The following PKD1L3 variants were observed in gnomAD, a reference collection of about 807,000 sequenced individuals.
PKD1L3 encodes polycystin-1-like protein 3.
Under a neutral mutation model 184.1 loss-of-function variants are expected in PKD1L3, and 239 were observed. That is an observed-to-expected ratio of 1.30 (90% CI 1.17 to 1.45). The LOEUF is 1.45. PKD1L3 is among the 40% of genes most tolerant of loss of function. The probability of loss-of-function intolerance (pLI) is 0.00; values close to 1 mark genes in which losing one functional copy is unlikely to be tolerated. For missense variants in PKD1L3, 2,660 were observed against 2,067.2 expected (o/e 1.29, Z -5.56); for synonymous variants, 996 against 778.8 (o/e 1.28, Z -4.64).
Position 71,967,291 on chromosome 16 carries a change from C to G in PKD1L3, c.2311G>C (p.Glu771Gln). The G allele has an allele frequency of 6.4e-7, 1 of 1,551,500 alleles. No individual in the cohort carries two copies. The highest frequency in any genetic ancestry group is 1.2e-5 in the South Asian group (1 of 84,036). ...AGGTGATGGGGCTCACTCCGTCCCT[C>G]TGATCCATAGAGGGTGATGACAACC... is the stretch of plus-strand genomic sequence containing the variant. The part of the protein sequence containing the change: ...AKVVITLYGS[E>Q]GRSEPHHLCD... Residue 771 changes from glutamate (E) to glutamine (Q), a missense_variant, in exon 15 of 30, where the codon GAG becomes CAG. Physicochemically the swap from Glu to Gln is conservative, Grantham distance 29. Coordinates refer to ENST00000620267, the MANE Select transcript of PKD1L3 (RefSeq NM_181536.2).
intron 25 of PKD1L3, among the ~76,000 whole-genome samples, chr16:71,936,001 G>T (rs1245517807): frequency 4.0e-5 from 6 of 151,660 alleles, no homozygotes; most frequent in African/African-American, 1.5e-4. Flanking sequence ...TTGACATTTT[G>T]CCCAGGCTAG....
At chr16:71,994,985 T>C (rs1291091151) in intron 2 of PKD1L3, among the ~76,000 whole-genome samples, 1 of 151,966 alleles carries the variant, frequency 6.6e-6, no homozygotes, top group Non-Finnish European at 1.5e-5. Flanking sequence ...TAAAACTCCA[T>C]CTCAAGAAAA....
Position 72,000,305 on chromosome 16 carries a change from C to G in PKD1L3, c.-327G>C, listed in dbSNP as rs1048607652. 1.3e-5 allele frequency among the ~76,000 whole-genome samples: 2 copies of G among 152,108 alleles called. No homozygotes were observed. The highest frequency in any genetic ancestry group is 2.9e-5 in the Non-Finnish European group (2 of 68,040). ...GTAGAGGATGATGAATATCTAACAT[C>G]TAAGTTAGTGCTGCTAAAAATTAAT... On this transcript the variant is annotated 5_prime_UTR_variant, in exon 1 of 30. Coordinates refer to ENST00000620267, the MANE Select transcript of PKD1L3 (RefSeq NM_181536.2).
At chr16:71,972,110 G>T (rs1246686571) in intron 12 of PKD1L3, among the ~76,000 whole-genome samples, 1 of 152,116 alleles carries the variant, frequency 6.6e-6, no homozygotes, top group Non-Finnish European at 1.5e-5. Flanking sequence ...TAGCTACTTG[G>T]GAGGCTGAGG....
chr16:71,969,913 C>T lies in PKD1L3; in HGVS notation c.2146G>A (p.Val716Met), dbSNP rs2039646377. The T allele has an allele frequency of 2.6e-6, 4 of 1,551,804 alleles. No homozygotes were observed. The highest frequency in any genetic ancestry group is 3.5e-6 in the Non-Finnish European group (4 of 1,146,956). ...GCTTGATCCTTTTTCCGAGCCCACACAACTGTGATCACATAAAATCCTAAA... is the reference window on the plus strand; with the variant it reads ...GCTTGATCCTTTTTCCGAGCCCACATAACTGTGATCACATAAAATCCTAAA... The part of the protein sequence containing the change: ...SLLGFYVITV[V>M]WARKKDQADM... Residue 716 changes from valine to methionine, a missense_variant, in exon 13 of 30, where the codon GTG (valine) becomes ATG (methionine). Physicochemically the swap from Val to Met is conservative, Grantham distance 21. Transcript: ENST00000620267.
chr16:71,954,031 C>G (rs2038950700), intron 17 of PKD1L3, 74 bp downstream of exon 17: 3 of 1,267,820 alleles, frequency 2.4e-6, no homozygotes, highest in African/African-American at 1.6e-5. Context: ...GCCTGGGTAA[C>G]AGAGCAAGAC....
At chr16:71,934,478 C>G (rs1371467606) in intron 26 of PKD1L3, among the ~76,000 whole-genome samples, 1 of 152,188 alleles carries the variant, frequency 6.6e-6, no homozygotes, top group African/African-American at 2.4e-5. Flanking sequence ...GAGATTAACT[C>G]AGCCCAGAGA....
rs569438046 is a variant in PKD1L3 at position 71,976,231 on chromosome 16, T to C, written c.1759+1005A>G. On this transcript the variant is annotated intron_variant, in intron 11 of 29. Transcript: ENST00000620267. ...CCAAAGTGCTAGGATTACAGTGGGATTTCAGGCATGAGCCACTGAGTGCCC... is the reference window on the plus strand; with the variant it reads ...CCAAAGTGCTAGGATTACAGTGGGACTTCAGGCATGAGCCACTGAGTGCCC... Among the ~76,000 whole-genome samples, 10 of 141,220 alleles carry C rather than the reference T, an allele frequency of 7.1e-5. No individual in the cohort carries two copies. In the East Asian group the frequency reaches 2.3e-3, roughly 32 times the overall value. The allele number at this position is 141,220 out of a possible 152,430, so 92.6% of individuals were successfully genotyped here.
In PKD1L3 at chr16:71,986,077, A is replaced by T. The variant is rs191220813; in HGVS notation, c.834+144T>A. On this transcript the variant is annotated intron_variant, in intron 5 of 29. Coordinates refer to ENST00000620267, the MANE Select transcript of PKD1L3 (RefSeq NM_181536.2). ...GCTGTCAAATTGGCTGTTTCCATGG[A>T]CTTGTTTAGTTTTTGTTTTGGATTG... 3.2e-4 allele frequency: 346 copies of T among 1,073,424 alleles called. 2 individuals carry two copies. Among genetic ancestry groups the T allele is most frequent in the African/African-American group, 2.2e-3 (136 of 62,608 alleles). 66.5% of individuals were successfully genotyped at this position (1,073,424 alleles called of 1,614,324 possible).
At chr16:71,988,064 G>A (rs747315252) in intron 4 of PKD1L3, among the ~76,000 whole-genome samples, 2 of 59,116 alleles carry the variant, frequency 3.4e-5, no homozygotes, top group African/African-American at 8.8e-5. Context: ...TTGCAGAACA[G>A]TGGCATGATT....
chr16:71,975,489 A>T (rs1390574380), intron 11 of PKD1L3, among the ~76,000 whole-genome samples: 1 of 152,220 alleles, frequency 6.6e-6, no homozygotes, highest in Non-Finnish European at 1.5e-5. Flanking sequence ...TAAGATTAGA[A>T]ATAAAGTTGA....
chr16:71,982,678 C>T (rs2040207709), intron 6 of PKD1L3, among the ~76,000 whole-genome samples: 1 of 152,092 alleles, frequency 6.6e-6, no homozygotes, highest in South Asian at 2.1e-4. Context: ...CTCACTGCAG[C>T]CTCGAACTTC....
At chr16:71,983,930 T>C (rs2040261639) in intron 6 of PKD1L3, 106 bp downstream of exon 6, 2 of 1,420,270 alleles carry the variant, frequency 1.4e-6, no homozygotes, top group African/African-American at 2.9e-5. Context: ...TCTAAAGTGC[T>C]GGGATTACAG....
rs533830927 is a variant in PKD1L3, at chr16:71,997,443, C to G, written c.418+829G>C. ...CCCCCACAACCACTCCCCACTCCAC[C>G]GTCTCCACATAAAAAAATAAATAGG... On this transcript the variant is annotated intron_variant, in intron 2 of 29. Transcript: ENST00000620267. Among the ~76,000 whole-genome samples, 40 of 151,278 alleles carry G rather than the reference C, an allele frequency of 2.6e-4. No individual in the cohort carries two copies. In the South Asian group the frequency reaches 8.2e-3, roughly 31 times the overall value.
chr16:71,958,241 G>C (rs1020190074), intron 16 of PKD1L3, among the ~76,000 whole-genome samples: 1 of 151,558 alleles, frequency 6.6e-6, no homozygotes, highest in African/African-American at 2.4e-5. Flanking sequence ...CAAAAAATTA[G>C]CTGGGCGTAG....
intron 22 of PKD1L3, among the ~76,000 whole-genome samples, chr16:71,945,311 C>CATATAT (rs2038545723): frequency 2.1e-5 from 1 of 47,044 alleles, no homozygotes; most frequent in African/African-American, 7.0e-5. Flanking sequence ...TATATACACA[C>CATATAT]ACACACACAC....
chr16:71,954,930 G>A (rs981815385), intron 16 of PKD1L3, among the ~76,000 whole-genome samples: 3 of 152,100 alleles, frequency 2.0e-5, no homozygotes, highest in Admixed American at 1.3e-4. Flanking sequence ...AGAAAAGGGA[G>A]GGACAAAGCC....
At position 71,956,123 on chromosome 16, in the gene PKD1L3, G is replaced by A. The variant is rs543333411; in HGVS notation, c.2613-1822C>T. On this transcript the variant is annotated intron_variant, in intron 16 of 29. Transcript: ENST00000620267. The stretch of plus-strand genomic sequence containing the variant: ...TCCACTTGTCTCAGCCTCCCAAAGC[G>A]CTGGGATTCCAGGTGTGAGCCACTG... Among the ~76,000 whole-genome samples the A allele has an allele frequency of 4.0e-5, 6 of 151,388 alleles. No homozygotes were observed. The East Asian group carries it at 5.8e-4, about 15-fold the overall frequency.
At chr16:71,998,416 A>G (rs1171326239) in intron 1 of PKD1L3, 22 bp from the exon 2 acceptor site, 1 of 1,537,212 alleles carries the variant, frequency 6.5e-7, no homozygotes, top group Non-Finnish European at 8.7e-7. Context: ...TCAGACGCAG[A>G]TGAGCCTCAT....
Sources: allele counts gnomAD v4.1 joint callset (sites outside exome capture counted in the v4.1 genomes callset), GRCh38; gene constraint gnomAD v4.1.1; transcripts MANE v1.5; gene names NCBI Gene and HGNC (gene_info 2026-07-23, HGNC 2026-07-21).